Variants in TERT observed in about 807,000 individuals in gnomAD.
The protein encoded by TERT is telomerase reverse transcriptase, also known as telomerase catalytic subunit.
TERT carries 42 observed loss-of-function variants against 104.0 expected under a neutral mutation model. The ratio of observed to expected loss-of-function variants is 0.40; its 90% CI spans 0.32 to 0.52. The LOEUF is 0.52. Ranked by LOEUF, TERT falls within the 20% of genes least tolerant of loss-of-function variation. TERT has a pLI of 0.43. For synonymous variants in TERT, 781 were observed against 725.6 expected (o/e 1.08, Z -1.23); for missense variants, 1,101 against 1,610.3 (o/e 0.68, Z 5.41).
In TERT at chr5:1,282,545, C is replaced by T. The variant is rs1487526976; in HGVS notation, c.1653G>A (p.Val551=). Residue 551 remains valine, a synonymous_variant, in exon 3 of 16, where the codon GTG becomes GTA. Coordinates refer to ENST00000310581, the MANE Select transcript of TERT (RefSeq NM_198253.3). Reference sequence around the variant, plus strand: ...AAGACCTGAGCAGCTCGACGACGTACACACTCATCAGCCAGTGCAGGAACT... The same window carrying T: ...AAGACCTGAGCAGCTCGACGACGTATACACTCATCAGCCAGTGCAGGAACT... ...LAKFLHWLMS[V]YVVELLRSFF... is the part of the protein sequence containing the mutation. 1 of 1,614,158 alleles carries T rather than the reference C, an allele frequency of 6.2e-7. No homozygotes were observed. Among genetic ancestry groups the T allele is most frequent in the African/African-American group, 1.3e-5 (1 of 75,060 alleles).
Position 1,254,350 on chromosome 5 carries a change from G to A in TERT, c.3295+18C>T. Reference sequence around the variant, plus strand: ...CCCTGGGCAGGTGGGGCCCGCACTGGCCTCCACCCACACTTGCCTGTCCTG... The same window carrying A: ...CCCTGGGCAGGTGGGGCCCGCACTGACCTCCACCCACACTTGCCTGTCCTG... On this transcript the variant is annotated intron_variant, in intron 15 of 15. Coordinates refer to ENST00000310581, the MANE Select transcript of TERT (RefSeq NM_198253.3). 1 of 1,613,016 alleles carries A rather than the reference G, an allele frequency of 6.2e-7. No individual in the cohort carries two copies. The highest frequency in any genetic ancestry group is 8.5e-7 in the Non-Finnish European group (1 of 1,179,908).
chr5:1,288,090 T>G lies in TERT; in HGVS notation c.1573+5223A>C, dbSNP rs145444156. 9.7e-4 allele frequency among the ~76,000 whole-genome samples: 147 copies of G among 152,252 alleles called. No individual in the cohort carries two copies. The highest frequency in any genetic ancestry group is 3.5e-3 in the African/African-American group (146 of 41,558). ...CTCACTGCTCAAAGAAATCACAGAA[T>G]AAGCTAAAGAATACTTAAAAGTCAC... On this transcript the variant is annotated intron_variant, in intron 2 of 15. Transcript: ENST00000310581. The surrounding 1 kb of genome is among the most constrained non-coding windows in gnomAD (Gnocchi z 5.3).
chr5:1,285,621 G>C (rs1056034250), intron 2 of TERT, among the ~76,000 whole-genome samples: 1 of 136,970 alleles, frequency 7.3e-6, no homozygotes, highest in Non-Finnish European at 1.5e-5. Flanking sequence ...CCAGGCTGGA[G>C]TGCAGTGGTG....
At chr5:1,291,228 G>A (rs1212170563) in intron 2 of TERT, among the ~76,000 whole-genome samples, 8 of 111,152 alleles carry the variant, frequency 7.2e-5, no homozygotes, top group South Asian at 3.5e-4. Context: ...CTGGGGCCGC[G>A]CCTCACTCAC....
chr5:1,293,436 C>T lies in TERT; in HGVS notation c.1450G>A (p.Glu484Lys), dbSNP rs1561213355. Residue 484 changes from glutamate to lysine, a missense_variant, in exon 2 of 16, where the codon GAA becomes AAA. This residue lies in a region of TERT where 504 missense variants were observed against 544.6 expected (regional missense o/e 0.93). Coordinates refer to ENST00000310581, the MANE Select transcript of TERT (RefSeq NM_198253.3). ...TTGGTGTTCCTGAGGAAGCGGCGTT[C>T]GTTGTGCCTGGAGCCCCAGAGGCCT... ...PPGLWGSRHN[E>K]RRFLRNTKKF... is the part of the protein sequence containing the mutation. 1 of 1,612,128 alleles carries T rather than the reference C, an allele frequency of 6.2e-7. No homozygotes were observed. The highest frequency in any genetic ancestry group is 8.5e-7 in the Non-Finnish European group (1 of 1,179,644).
rs757820442 is a variant in TERT at position 1,271,122 on chromosome 5, C to T, written c.2465G>A (p.Gly822Asp). 9 of 1,612,700 alleles carry T rather than the reference C, an allele frequency of 5.6e-6. No homozygotes were observed. The highest frequency in any genetic ancestry group is 3.3e-5 in the Admixed American group (2 of 60,004). ...FMCHHAVRIR[G>D]KSYVQCQGIP... Reference sequence around the variant, plus strand: ...GGCACCTGGCCACCTGACTCACTTGCCCCTGATGCGCACGGCGTGGTGGCA... The same window carrying T: ...GGCACCTGGCCACCTGACTCACTTGTCCCTGATGCGCACGGCGTGGTGGCA... The change falls in exon 8 of 16, where the codon GGC becomes GAC. Residue 822 changes from glycine (G) to aspartate (D), a missense_variant. Physicochemically the swap from Gly to Asp is moderately conservative, Grantham distance 94. Around this residue, in one of 5 missense-constraint regions of TERT, gnomAD observed 463 missense variants for 797.5 expected, o/e 0.58. Transcript: ENST00000310581.
chr5:1,270,674 C>T lies in TERT; in HGVS notation c.2468+445G>A, dbSNP rs1322442497. ...ACAGAGAGAAGAGCCCGCGCCCTCG[C>T]GGGGGTCACACGACAGGGACAGGAA... On this transcript the variant is annotated intron_variant, in intron 8 of 15. Coordinates refer to ENST00000310581, the MANE Select transcript of TERT (RefSeq NM_198253.3). The surrounding 1 kb of genome is among the most constrained non-coding windows in gnomAD (Gnocchi z 8.3). 1.3e-5 allele frequency among the ~76,000 whole-genome samples: 2 copies of T among 152,310 alleles called. No homozygotes were observed. Among genetic ancestry groups the T allele is most frequent in the East Asian group, 1.9e-4 (1 of 5,188 alleles).
intron 11 of TERT, 135 bp from the exon 12 acceptor site, chr5:1,260,735 G>A (rs758651153): frequency 7.9e-6 from 10 of 1,267,434 alleles, no homozygotes; most frequent in Non-Finnish European, 1.1e-5. Flanking sequence ...GCAGCCCGAG[G>A]GGGCTGGGTG....
In TERT at chr5:1,294,214, G is replaced by A. The variant is rs996032219; in HGVS notation, c.672C>T (p.Arg224=). 14 of 1,582,354 alleles carry A rather than the reference G, an allele frequency of 8.8e-6. No homozygotes were observed. The highest frequency in any genetic ancestry group is 1.7e-5 in the Admixed American group (1 of 58,262). Residue 224 remains arginine (R), a synonymous_variant, in exon 2 of 16, where the codon CGC becomes CGT. Coordinates refer to ENST00000310581, the MANE Select transcript of TERT (RefSeq NM_198253.3). ...GCAGACTTCGGCTGGCACTGCCCCCGCGCCTCCTCGCACCCGGGGCTGGCA... is the reference window on the plus strand; with the variant it reads ...GCAGACTTCGGCTGGCACTGCCCCCACGCCTCCTCGCACCCGGGGCTGGCA... ...LGLPAPGARR[R]GGSASRSLPL...
chr5:1,290,586 ACC>A (rs1750841276), intron 2 of TERT, among the ~76,000 whole-genome samples: 1 of 70,714 alleles, frequency 1.4e-5, no homozygotes, highest in East Asian at 3.6e-4. Flanking sequence ...TGACAGGGAC[ACC>A]CGGGGACCGC....
intron 6 of TERT, among the ~76,000 whole-genome samples, chr5:1,273,281 C>T (rs867766310): frequency 0.047 from 187 of 3,988 alleles, 1 homozygote; most frequent in Non-Finnish European, 0.065. Flanking sequence ...ACCCCACGAC[C>T]GCCATCCACA....
Position 1,264,582 on chromosome 5 carries a change from G to C in TERT, c.2665C>G (p.Arg889Gly). 1.9e-6 allele frequency: 3 copies of C among 1,613,960 alleles called. No homozygotes were observed. The highest frequency in any genetic ancestry group is 2.5e-6 in the Non-Finnish European group (3 of 1,180,008). The change falls in exon 11 of 16, where the codon CGA becomes GGA. Residue 889 changes from arginine to glycine, a missense_variant. By Grantham distance (125) the Arg-to-Gly change is moderately radical. This residue lies in a region of TERT where 463 missense variants were observed against 797.5 expected (regional missense o/e 0.58). Coordinates refer to ENST00000310581, the MANE Select transcript of TERT (RefSeq NM_198253.3). ...HAKTFLRTLVRGVPEYGCVVN... is the reference protein window; with the variant it reads ...HAKTFLRTLVGGVPEYGCVVN... Reference sequence around the variant, plus strand: ...ACGCAGCCATACTCAGGGACACCTCGGACCAGGGTCCTAAGGCAGAGGGGC... The same window carrying C: ...ACGCAGCCATACTCAGGGACACCTCCGACCAGGGTCCTAAGGCAGAGGGGC...
In TERT at chr5:1,294,872, G is replaced by A. The variant is rs2126691976; in HGVS notation, c.118C>T (p.Gln40Ter). The change falls in exon 1 of 16, where the codon CAG becomes TAG. Residue 40 changes from glutamine to a stop codon, truncating the protein, a stop_gained. Coordinates refer to ENST00000310581, the MANE Select transcript of TERT (RefSeq NM_198253.3). LOFTEE classifies it high-confidence loss of function. ...RLGPQGWRLV[Q>*]RGDPAAFRAL... The stretch of plus-strand genomic sequence containing the variant: ...CGGAAAGCCGCCGGGTCCCCGCGCT[G>A]CACCAGCCGCCAGCCCTGGGGCCCC... 1 of 1,449,356 alleles carries A rather than the reference G, an allele frequency of 6.9e-7. No individual in the cohort carries two copies. The highest frequency in any genetic ancestry group is 9.0e-7 in the Non-Finnish European group (1 of 1,108,048). The allele number at this position is 1,449,356 out of a possible 1,614,324, so 89.8% of individuals were successfully genotyped here.
Position 1,293,930 on chromosome 5 carries a change from G to C in TERT, c.956C>G (p.Thr319Arg). The change falls in exon 2 of 16, where the codon ACG (threonine) becomes AGG (arginine). Residue 319 changes from threonine to arginine, a missense_variant. By Grantham distance (71) the Thr-to-Arg change is moderately conservative (BLOSUM62 -1). Transcript: ENST00000310581. ...CTCGGCGTACACCGGGGGACAAGGC[G>C]TGTCCCAGGGACGTGGTGGCCGCGA... Reference protein sequence around the residue: ...STSRPPRPWDTPCPPVYAETK... With the variant: ...STSRPPRPWDRPCPPVYAETK... 1 of 1,543,736 alleles carries C rather than the reference G, an allele frequency of 6.5e-7. No homozygotes were observed. Among genetic ancestry groups the C allele is most frequent in the Non-Finnish European group, 8.7e-7 (1 of 1,147,732 alleles).
chr5:1,259,541 G>A (rs1280082277), intron 12 of TERT, among the ~76,000 whole-genome samples: 5 of 121,432 alleles, frequency 4.1e-5, no homozygotes, highest in Admixed American at 2.5e-4. Context: ...GGGAGCAGAC[G>A]CAGATGCCCA....
At chr5:1,279,532 A>G in intron 4 of TERT, 62 bp from the exon 5 acceptor site, 3 of 1,511,424 alleles carry the variant, frequency 2.0e-6, no homozygotes, top group Non-Finnish European at 2.7e-6. Context: ...CCACCCCACC[A>G]TAGGGACCCA....
chr5:1,262,852 T>TTC lies in TERT; in HGVS notation c.2843+1550_2843+1551dup. ...GGGGAGCAAAATAAGCAGTGGACAG[T>TTC]TCACAGCTGACTGGTATGGCCAGCA... On this transcript the variant is annotated intron_variant, in intron 11 of 15. Transcript: ENST00000310581. The surrounding 1 kb of genome is among the most constrained non-coding windows in gnomAD (Gnocchi z 5.6). 6.6e-6 allele frequency among the ~76,000 whole-genome samples: 1 copy of TTC among 152,354 alleles called. No homozygotes were observed. Among genetic ancestry groups the TTC allele is most frequent in the South Asian group, 2.1e-4 (1 of 4,832 alleles).
At chr5:1,284,444 C>T (rs1393417607) in intron 2 of TERT, among the ~76,000 whole-genome samples, 12 of 106,676 alleles carry the variant, frequency 1.1e-4, no homozygotes, top group African/African-American at 1.3e-4. Context: ...CAGGGTCTGG[C>T]GACCTCACCC....
chr5:1,291,386 C>T (rs866557140), intron 2 of TERT, among the ~76,000 whole-genome samples: 1 of 97,126 alleles, frequency 1.0e-5, no homozygotes. Flanking sequence ...CAGGGACACC[C>T]GGGGACAGCG....
Sources: gnomAD v4.1 joint callset for allele counts (sites outside exome capture counted in the v4.1 genomes callset) on GRCh38, gnomAD v4.1.1 for gene constraint, gnomAD v4.1.1 regional missense constraint, Gnocchi (gnomAD v3.1) non-coding constraint, MANE v1.5 for transcripts, NCBI Gene and HGNC (gene_info 2026-07-23, HGNC 2026-07-21) for gene names.